Variants in MMGT1 observed in about 807,000 individuals in gnomAD.
MMGT1 encodes the protein membrane magnesium transporter 1.
MMGT1 carries 2 observed loss-of-function variants against 11.7 expected under a neutral mutation model. The ratio of observed to expected loss-of-function variants is 0.17; its 90% confidence interval spans 0.07 to 0.54. MMGT1 has a LOEUF of 0.54. Ranked by LOEUF, MMGT1 falls within the 20% of genes least tolerant of loss-of-function variation. The pLI, the probability that MMGT1 is intolerant of heterozygous loss-of-function variation, is 0.94. For missense variants in MMGT1, 74 were observed against 109.0 expected, an observed-to-expected ratio of 0.68 and a Z score of 1.43; for synonymous variants, 49 against 44.4, an observed-to-expected ratio of 1.10 and a Z score of -0.41.
chrX:135,973,846 TG>T lies in MMGT1; in HGVS notation c.-172del. On this transcript the variant is annotated 5_prime_UTR_variant, in exon 1 of 4. An upstream open reading frame in the 5' UTR gains an earlier in-frame stop. Transcript: ENST00000305963. ...GGCTGTGAGAAAACGGAAACAGGAA[TG>T]CCGGGAAGAAGCAGAAAGCTACACG... 1 of 1,160,113 alleles carries T rather than the reference TG, an allele frequency of 8.6e-7. No homozygotes were observed. Among genetic ancestry groups the T allele is most frequent in the Non-Finnish European group, 1.1e-6 (1 of 870,549 alleles).
At position 135,973,823 on chromosome X, in the gene MMGT1, C is replaced by T. The variant is rs1424682999; in HGVS notation, c.-148G>A. 5 of 1,160,141 alleles carry T rather than the reference C, an allele frequency of 4.3e-6. No homozygotes were observed. Among genetic ancestry groups the T allele is most frequent in the Non-Finnish European group, 5.7e-6 (5 of 871,018 alleles). On this transcript the variant is annotated 5_prime_UTR_variant, in exon 1 of 4. Coordinates refer to ENST00000305963, the MANE Select transcript of MMGT1 (RefSeq NM_173470.3). Reference sequence around the variant, plus strand: ...TCTCAGTGGTGGAAAAGCCAGAGGGCTGTGAGAAAACGGAAACAGGAATGC... The same window carrying T: ...TCTCAGTGGTGGAAAAGCCAGAGGGTTGTGAGAAAACGGAAACAGGAATGC...
chrX:135,963,354 G>C lies in MMGT1; in HGVS notation c.*1670C>G, dbSNP rs1237076630. ...AAGAAACGAAGACATACCCCAAAGA[G>C]AAGGAAACAAGAGGCTCTTCCAAAC... On this transcript the variant is annotated 3_prime_UTR_variant, in exon 4 of 4. Coordinates refer to ENST00000305963, the MANE Select transcript of MMGT1 (RefSeq NM_173470.3). 2.7e-5 allele frequency: 3 copies of C among 112,028 alleles called. No individual in the cohort carries two copies. The highest frequency in any genetic ancestry group is 5.6e-5 in the Non-Finnish European group (3 of 53,169). The allele number at this position is 112,028 out of a possible 1,213,427, so 9.2% of individuals were successfully genotyped here. A position where few individuals can be genotyped will look rare whatever the true frequency, so the allele number is the denominator to read the frequency against.
In MMGT1 at chrX:135,973,943, G is replaced by T; in HGVS notation, c.-268C>A. On this transcript the variant is annotated 5_prime_UTR_variant, in exon 1 of 4. Transcript: ENST00000305963. ...TCTAGGAGGGCCGGAGCCCAACGGAGTCATAAACGAAGAGGCGAAAGCGGG... is the reference window on the plus strand; with the variant it reads ...TCTAGGAGGGCCGGAGCCCAACGGATTCATAAACGAAGAGGCGAAAGCGGG... 2 of 1,121,957 alleles carry T rather than the reference G, an allele frequency of 1.8e-6. No homozygotes were observed. The highest frequency in any genetic ancestry group is 2.0e-5 in the South Asian group (1 of 50,991). The allele number at this position is 1,121,957 out of a possible 1,213,427, so 92.5% of individuals were successfully genotyped here. A position where few individuals can be genotyped will look rare whatever the true frequency, so the allele number is the denominator to read the frequency against.
intron 3 of MMGT1, among the ~76,000 whole-genome samples, chrX:135,967,137 T>A (rs1195102338): frequency 8.9e-6 from 1 of 111,788 alleles, no homozygotes; most frequent in Non-Finnish European, 1.9e-5. Flanking sequence ...TCTATTTTCA[T>A]CCATACAACC....
chrX:135,968,499 T>TATTGTG lies in MMGT1; in HGVS notation c.133-1007_133-1006insCACAAT, dbSNP rs36089092. ...GCTTTCCTCGCTCAACATTATGTCA[T>TATTGTG]TGTGTGTGTGTGTGTGTGTGTGTGT... is the stretch of plus-strand genomic sequence containing the variant. On this transcript the variant is annotated intron_variant, in intron 2 of 3. Transcript: ENST00000305963. 4.7e-5 allele frequency among the ~76,000 whole-genome samples: 4 copies of TATTGTG among 85,033 alleles called. No homozygotes were observed. In the South Asian group the frequency reaches 2.6e-3, roughly 56 times the overall value. 73.8% of individuals were successfully genotyped at this position (85,033 alleles called of 115,157 possible). A position where few individuals can be genotyped will look rare whatever the true frequency, so the allele number is the denominator to read the frequency against.
intron 3 of MMGT1, among the ~76,000 whole-genome samples, chrX:135,965,504 C>T (rs911092378): frequency 9.0e-6 from 1 of 111,559 alleles, no homozygotes; most frequent in East Asian, 2.8e-4. Context: ...TGGACTCAAG[C>T]GACCCTCTCA....
rs2089237555 is a variant in MMGT1 at position 135,973,856 on chromosome X, A to C, written c.-181T>G. ...AAACGGAAACAGGAATGCCGGGAAG[A>C]AGCAGAAAGCTACACGGAAAAAGGT... On this transcript the variant is annotated 5_prime_UTR_variant, in exon 1 of 4. Transcript: ENST00000305963. The C allele has an allele frequency of 2.6e-6, 3 of 1,160,257 alleles. No homozygotes were observed. The highest frequency in any genetic ancestry group is 3.4e-6 in the Non-Finnish European group (3 of 870,360).
rs1211649641 is a variant in MMGT1, at chrX:135,964,190, G to A, written c.*834C>T. 8.9e-6 allele frequency: 1 copy of A among 112,790 alleles called. No individual in the cohort carries two copies. The highest frequency in any genetic ancestry group is 1.9e-5 in the Non-Finnish European group (1 of 53,297). 9.3% of individuals were successfully genotyped at this position (112,790 alleles called of 1,213,427 possible). On this transcript the variant is annotated 3_prime_UTR_variant, in exon 4 of 4. Coordinates refer to ENST00000305963, the MANE Select transcript of MMGT1 (RefSeq NM_173470.3). ...AACAGAGTTTGAATCAGTTAAACTG[G>A]CTAATGACAATTTTCCTCAATGATT... is the stretch of plus-strand genomic sequence containing the variant.
At position 135,970,353 on chromosome X, in the gene MMGT1, G is replaced by A. The variant is rs782114063; in HGVS notation, c.132+705C>T. The stretch of plus-strand genomic sequence containing the variant: ...CTGCATTCCAGCCTGGGCAACAAGA[G>A]CAAAACATTGTCTCAAAAAAAAGAA... On this transcript the variant is annotated intron_variant, in intron 2 of 3. Coordinates refer to ENST00000305963, the MANE Select transcript of MMGT1 (RefSeq NM_173470.3). Among the ~76,000 whole-genome samples, 15 of 110,379 alleles carry A rather than the reference G, an allele frequency of 1.4e-4. No individual in the cohort carries two copies. The South Asian group carries it at 2.3e-3, about 17-fold the overall frequency.
rs181621967 is a variant in MMGT1, at chrX:135,966,434, A to C, written c.236+956T>G. Among the ~76,000 whole-genome samples the C allele has an allele frequency of 3.4e-3, 381 of 111,535 alleles. 1 individual carries two copies. Among genetic ancestry groups the C allele is most frequent in the Non-Finnish European group, 4.8e-3 (255 of 53,105 alleles). ...CATGGTGAAACCCCGTCTCTACTAAAAATACAAAAATTAGCCGGGCATGGC... is the reference window on the plus strand; with the variant it reads ...CATGGTGAAACCCCGTCTCTACTAACAATACAAAAATTAGCCGGGCATGGC... On this transcript the variant is annotated intron_variant, in intron 3 of 3. Transcript: ENST00000305963.
chrX:135,969,606 G>A (rs959986507), intron 2 of MMGT1, among the ~76,000 whole-genome samples: 7 of 111,756 alleles, frequency 6.3e-5, no homozygotes, highest in African/African-American at 2.3e-4. Context: ...CCAAAGTGCT[G>A]GGATTACAGG....
intron 3 of MMGT1, 124 bp from the exon 4 acceptor site, chrX:135,965,307 T>C (rs894642415): frequency 4.2e-6 from 2 of 471,407 alleles, no homozygotes; most frequent in African/African-American, 2.4e-5. Context: ...TATTAATACA[T>C]GAAATCAGAC....
rs61012323 is a variant in MMGT1 at position 135,968,499 on chromosome X, T to TTGTGTGTGTGTGTGTG, written c.133-1022_133-1007dup. Among the ~76,000 whole-genome samples, 562 of 85,007 alleles carry TTGTGTGTGTGTGTGTG rather than the reference T, an allele frequency of 6.6e-3. 10 individuals are homozygous for TTGTGTGTGTGTGTGTG. Among genetic ancestry groups the TTGTGTGTGTGTGTGTG allele is most frequent in the African/African-American group, 0.014 (311 of 22,485 alleles). The allele number at this position is 85,007 out of a possible 115,157, so 73.8% of individuals were successfully genotyped here. On this transcript the variant is annotated intron_variant, in intron 2 of 3. Transcript: ENST00000305963. ...GCTTTCCTCGCTCAACATTATGTCATTGTGTGTGTGTGTGTGTGTGTGTGT... is the reference window on the plus strand; with the variant it reads ...GCTTTCCTCGCTCAACATTATGTCATTGTGTGTGTGTGTGTGTGTGTGTGTGTGTGTGTGTGTGTGT...
At chrX:135,970,376 G>GA (rs782772924) in intron 2 of MMGT1, among the ~76,000 whole-genome samples, 45 of 110,030 alleles carry the variant, frequency 4.1e-4, no homozygotes, top group African/African-American at 1.4e-3. Context: ...TCAAAAAAAA[G>GA]AAAAAAAACT....
chrX:135,969,422 C>G (rs1276062652), intron 2 of MMGT1, among the ~76,000 whole-genome samples: 1 of 111,244 alleles, frequency 9.0e-6, no homozygotes, highest in African/African-American at 3.3e-5. Flanking sequence ...TCACTGCAAC[C>G]TTTGCCTCTC....
intron 1 of MMGT1, 43 bp downstream of exon 1, chrX:135,973,554 T>C (rs1556612800): frequency 9.2e-7 from 1 of 1,088,100 alleles, no homozygotes; most frequent in Non-Finnish European, 1.2e-6. Flanking sequence ...ACACCGCCCC[T>C]AGGGTTCCAC....
chrX:135,964,682 T>C lies in MMGT1; in HGVS notation c.*342A>G, dbSNP rs2089175129. 1 of 134,287 alleles carries C rather than the reference T, an allele frequency of 7.4e-6. No homozygotes were observed. The highest frequency in any genetic ancestry group is 8.7e-5 in the Admixed American group (1 of 11,533). The allele number at this position is 134,287 out of a possible 1,213,427, so 11.1% of individuals were successfully genotyped here. A position where few individuals can be genotyped will look rare whatever the true frequency, so the allele number is the denominator to read the frequency against. On this transcript the variant is annotated 3_prime_UTR_variant, in exon 4 of 4. Transcript: ENST00000305963. ...TCCAAAAGGATTCCAAAAATTGTAGTGCAAAAGAAAAGAAATCTAAAAAAA... is the reference window on the plus strand; with the variant it reads ...TCCAAAAGGATTCCAAAAATTGTAGCGCAAAAGAAAAGAAATCTAAAAAAA...
rs2089165078 is a variant in MMGT1, at chrX:135,963,134, T to C, written c.*1890A>G. 9.1e-6 allele frequency: 1 copy of C among 109,766 alleles called. No homozygotes were observed. Among genetic ancestry groups the C allele is most frequent in the African/African-American group, 3.3e-5 (1 of 30,127 alleles). 9.0% of individuals were successfully genotyped at this position (109,766 alleles called of 1,213,427 possible). Reference sequence around the variant, plus strand: ...GGTTGCCAGGGGCTCGGGGATGGGGTGGGCACTGGGAGAAAATGAGAGGTG... The same window carrying C: ...GGTTGCCAGGGGCTCGGGGATGGGGCGGGCACTGGGAGAAAATGAGAGGTG... On this transcript the variant is annotated 3_prime_UTR_variant, in exon 4 of 4. Transcript: ENST00000305963.
intron 3 of MMGT1, among the ~76,000 whole-genome samples, chrX:135,966,366 G>A (rs1457299507): frequency 8.9e-6 from 1 of 111,991 alleles, no homozygotes; most frequent in African/African-American, 3.2e-5. Context: ...ACCCAAGGCG[G>A]GTGGATCACT....
Sources: gnomAD v4.1 joint callset for allele counts (sites outside exome capture counted in the v4.1 genomes callset) on GRCh38, gnomAD v4.1.1 for gene constraint, MANE v1.5 for transcripts, NCBI Gene and HGNC (gene_info 2026-07-23, HGNC 2026-07-21) for gene names.